The following ARHGAP6 variants were observed in gnomAD, a reference collection of about 807,000 sequenced individuals.
The protein encoded by ARHGAP6 is rho GTPase-activating protein 6.
ARHGAP6 carries 16 observed loss-of-function variants against 55.7 expected under a neutral mutation model. The observed-to-expected ratio is 0.29, with a 90% CI of 0.19 to 0.44. The LOEUF is 0.44. ARHGAP6 is among the 20% of genes least tolerant of loss of function. ARHGAP6 has a pLI of 1.00. For missense variants in ARHGAP6, 698 were observed against 808.9 expected, an observed-to-expected ratio of 0.86 and a Z score of 1.66; for synonymous variants, 382 against 360.9, an observed-to-expected ratio of 1.06 and a Z score of -0.66.
At chrX:11,214,754 G>A (rs780080237) in intron 2 of ARHGAP6, among the ~76,000 whole-genome samples, 2 of 113,372 alleles carry the variant, frequency 1.8e-5, no homozygotes, top group Admixed American at 9.2e-5. Context: ...AGCGAGGAGT[G>A]CGGGCAGGCA....
At chrX:11,588,741 T>C (rs2051766786) in intron 1 of ARHGAP6, among the ~76,000 whole-genome samples, 1 of 111,818 alleles carries the variant, frequency 8.9e-6, no homozygotes, top group African/African-American at 3.3e-5. Context: ...AAAAAGTAGA[T>C]TTTTGGTTTC....
intron 2 of ARHGAP6, among the ~76,000 whole-genome samples, chrX:11,213,076 G>A (rs2046828722): frequency 8.9e-6 from 1 of 112,656 alleles, no homozygotes; most frequent in African/African-American, 3.2e-5. Context: ...TCCTCATCCT[G>A]GCAAAGGAAG....
intron 2 of ARHGAP6, among the ~76,000 whole-genome samples, chrX:11,230,351 C>T (rs1338128383): frequency 9.0e-6 from 1 of 111,169 alleles, no homozygotes; most frequent in Non-Finnish European, 1.9e-5. Flanking sequence ...GCACACGCCA[C>T]CACACCCAGC....
chrX:11,443,029 G>C (rs2050055627), intron 1 of ARHGAP6, among the ~76,000 whole-genome samples: 1 of 111,827 alleles, frequency 8.9e-6, no homozygotes, highest in Non-Finnish European at 1.9e-5. Flanking sequence ...GTACAACTCT[G>C]CATTTTGCCA....
chrX:11,284,216 AAC>A (rs1259199481), intron 1 of ARHGAP6, among the ~76,000 whole-genome samples: 4 of 111,895 alleles, frequency 3.6e-5, no homozygotes, highest in Non-Finnish European at 7.5e-5. Context: ...TTGTTAAAAT[AAC>A]ACAGATTGCT....
At chrX:11,599,268 C>T (rs769038982) in intron 1 of ARHGAP6, among the ~76,000 whole-genome samples, 25 of 110,834 alleles carry the variant, frequency 2.3e-4, no homozygotes, top group Non-Finnish European at 5.7e-5. Flanking sequence ...TGGGTAAATA[C>T]CTAGAAGTGG....
chrX:11,142,999 C>T (rs978564087), intron 11 of ARHGAP6: 1 of 112,271 alleles, frequency 8.9e-6, no homozygotes, highest in African/African-American at 3.2e-5. Context: ...CTCAGGAATA[C>T]TTTGCTATTG....
chrX:11,445,586 C>A (rs2050084714), intron 1 of ARHGAP6, among the ~76,000 whole-genome samples: 1 of 112,046 alleles, frequency 8.9e-6, no homozygotes, highest in South Asian at 3.8e-4. Context: ...GTAGCCAATG[C>A]TTTTTAGAAT....
At chrX:11,476,192 G>C (rs1191706466) in intron 1 of ARHGAP6, among the ~76,000 whole-genome samples, 3 of 110,868 alleles carry the variant, frequency 2.7e-5, no homozygotes, top group Non-Finnish European at 5.7e-5. Context: ...TAAGTAGATT[G>C]AGCATGGCCT....
intron 1 of ARHGAP6, among the ~76,000 whole-genome samples, chrX:11,366,235 G>A (rs578002203): frequency 3.1e-4 from 35 of 112,177 alleles, no homozygotes; most frequent in African/African-American, 1.1e-3. Context: ...AAATGTGTAA[G>A]TGGCATAATG....
intron 1 of ARHGAP6, among the ~76,000 whole-genome samples, chrX:11,627,928 C>T (rs1215017188): frequency 9.0e-6 from 1 of 111,713 alleles, no homozygotes; most frequent in African/African-American, 3.2e-5. Context: ...CAGAATAAAA[C>T]TACTGTTTCC....
intron 1 of ARHGAP6, among the ~76,000 whole-genome samples, chrX:11,369,150 G>C (rs2049116104): frequency 9.0e-6 from 1 of 111,519 alleles, no homozygotes; most frequent in African/African-American, 3.3e-5. Context: ...CTTTTTACAG[G>C]ACATTGTGGT....
At chrX:11,382,932 A>C (rs1403152022) in intron 1 of ARHGAP6, among the ~76,000 whole-genome samples, 1 of 112,517 alleles carries the variant, frequency 8.9e-6, no homozygotes, top group African/African-American at 3.2e-5. Flanking sequence ...ACCTCAATGG[A>C]GAAGTGGATG....
Position 11,290,370 on chromosome X carries a change from T to A in ARHGAP6, c.589-35663A>T, listed in dbSNP as rs759541530. On this transcript the variant is annotated intron_variant, in intron 1 of 12. Coordinates refer to ENST00000337414, the MANE Select transcript of ARHGAP6 (RefSeq NM_013427.3). Reference sequence around the variant, plus strand: ...GTACCAAGGAGCTCCCAAGAAAGTATAAGACACAATACCTGATTTCTAAGG... The same window carrying A: ...GTACCAAGGAGCTCCCAAGAAAGTAAAAGACACAATACCTGATTTCTAAGG... 8.2e-6 allele frequency: 3 copies of A among 365,924 alleles called. No homozygotes were observed. The Admixed American group carries it at 8.7e-5, about 11-fold the overall frequency. The allele number at this position is 365,924 out of a possible 1,213,427, so 30.2% of individuals were successfully genotyped here. A position where few individuals can be genotyped will look rare whatever the true frequency, so the allele number is the denominator to read the frequency against.
chrX:11,140,525 C>T (rs886866151), intron 12 of ARHGAP6, among the ~76,000 whole-genome samples: 1 of 110,510 alleles, frequency 9.0e-6, no homozygotes, highest in Non-Finnish European at 1.9e-5. Context: ...ACTCTCTAGG[C>T]TCTGAAACTC....
chrX:11,186,135 G>A lies in ARHGAP6; in HGVS notation c.1273+101C>T, dbSNP rs557561670. 6.5e-5 allele frequency: 53 copies of A among 817,662 alleles called. No homozygotes were observed. The South Asian group carries it at 1.4e-3, about 21-fold the overall frequency. The allele number at this position is 817,662 out of a possible 1,213,427, so 67.4% of individuals were successfully genotyped here. A position where few individuals can be genotyped will look rare whatever the true frequency, so the allele number is the denominator to read the frequency against. ...TTCACACAGTAAATTTCAGTTCAGAGCTTGATCATTTGATCAAGCAGAATT... is the reference window on the plus strand; with the variant it reads ...TTCACACAGTAAATTTCAGTTCAGAACTTGATCATTTGATCAAGCAGAATT... On this transcript the variant is annotated intron_variant, in intron 5 of 12. Transcript: ENST00000337414.
intron 1 of ARHGAP6, among the ~76,000 whole-genome samples, chrX:11,482,665 C>A (rs1260773281): frequency 1.8e-5 from 2 of 111,399 alleles, no homozygotes; most frequent in African/African-American, 6.5e-5. Flanking sequence ...AGCTCATATC[C>A]CCTCCAAGTC....
chrX:11,221,447 T>C (rs2046968750), intron 2 of ARHGAP6: 1 of 154,823 alleles, frequency 6.5e-6, no homozygotes, highest in Non-Finnish European at 1.4e-5. Context: ...TACAATAGGC[T>C]GTACGAATTA....
At chrX:11,388,152 T>G (rs1007555263) in intron 1 of ARHGAP6, among the ~76,000 whole-genome samples, 30 of 112,252 alleles carry the variant, frequency 2.7e-4, no homozygotes, top group African/African-American at 9.4e-4. Context: ...ATGGTTGAAC[T>G]AGTTTACAGT....
Sources: allele counts gnomAD v4.1 joint callset (sites outside exome capture counted in the v4.1 genomes callset), GRCh38; gene constraint gnomAD v4.1.1; transcripts MANE v1.5; gene names NCBI Gene and HGNC (gene_info 2026-07-23, HGNC 2026-07-21).